ZBTB8OS: variants seen among roughly 807,000 people sequenced by gnomAD.
The protein encoded by ZBTB8OS is tRNA-splicing ligase-activating factor archease.
ZBTB8OS carries 16 observed loss-of-function variants against 29.3 expected under a neutral mutation model. The observed-to-expected ratio is 0.55, with a 90% CI of 0.37 to 0.83. ZBTB8OS has a LOEUF of 0.83. Ranked by LOEUF, ZBTB8OS falls within the 40% of genes least tolerant of loss-of-function variation. The pLI is 0.00. For synonymous variants in ZBTB8OS, 70 were observed against 64.6 expected (o/e 1.08, Z -0.40); for missense variants, 160 against 196.9 (o/e 0.81, Z 1.12).
At chr1:32,648,352 G>T (rs1206609815) in intron 1 of ZBTB8OS, among the ~76,000 whole-genome samples, 1 of 152,112 alleles carries the variant, frequency 6.6e-6, no homozygotes, top group Non-Finnish European at 1.5e-5. Flanking sequence ...CTTAGCAATG[G>T]AAACAAAAAA....
At chr1:32,646,193 C>T (rs1266396329) in intron 1 of ZBTB8OS, among the ~76,000 whole-genome samples, 1 of 151,836 alleles carries the variant, frequency 6.6e-6, no homozygotes, top group Non-Finnish European at 1.5e-5. Context: ...ATGGTGCACG[C>T]CTGTAATCCC....
rs764472258 is a variant in ZBTB8OS, at chr1:32,633,628, G to GA, written c.327+16dup. ...AAGAATCCATTTGCTCAGTAAAAAA[G>GA]AAAAACCTTTGCTTACCCGGGGTAT... On this transcript the variant is annotated intron_variant, in intron 4 of 6. Coordinates refer to ENST00000468695, the MANE Select transcript of ZBTB8OS (RefSeq NM_178547.5). 1 of 1,573,068 alleles carries GA rather than the reference G, an allele frequency of 6.4e-7. No individual in the cohort carries two copies. The highest frequency in any genetic ancestry group is 8.6e-7 in the Non-Finnish European group (1 of 1,163,204).
upstream of ZBTB8OS, chr1:32,650,819 G>C: frequency 1.9e-6 from 1 of 515,646 alleles, no homozygotes. Context: ...GACTGGCGAG[G>C]TTCTTTCCCC....
At chr1:32,641,265 GTTTTTTTTTTT>G (rs1160526101) in intron 1 of ZBTB8OS, among the ~76,000 whole-genome samples, 5 of 97,282 alleles carry the variant, frequency 5.1e-5, no homozygotes, top group African/African-American at 1.6e-4. Context: ...AATTACACAA[GTTTTTTTTTTT>G]TTTTTTTTTT....
chr1:32,649,790 G>A (rs1452279316), intron 1 of ZBTB8OS, among the ~76,000 whole-genome samples: 1 of 151,678 alleles, frequency 6.6e-6, no homozygotes, highest in African/African-American at 2.4e-5. Context: ...TCAGTCTCCC[G>A]AGTAGCTGGG....
chr1:32,630,056 G>A (rs938498989), intron 5 of ZBTB8OS, among the ~76,000 whole-genome samples: 5 of 151,760 alleles, frequency 3.3e-5, no homozygotes, highest in African/African-American at 1.2e-4. Flanking sequence ...CAGCAAGCCT[G>A]TTTCTTTACT....
intron 1 of ZBTB8OS, among the ~76,000 whole-genome samples, chr1:32,643,139 C>T (rs1331604603): frequency 1.4e-5 from 2 of 141,998 alleles, no homozygotes; most frequent in East Asian, 4.4e-4. Flanking sequence ...GGCACGATCT[C>T]CGCTCACTGC....
intron 6 of ZBTB8OS, among the ~76,000 whole-genome samples, chr1:32,626,336 C>T (rs1645132364): frequency 6.6e-6 from 1 of 152,110 alleles, no homozygotes; most frequent in African/African-American, 2.4e-5. Flanking sequence ...TAGGTTATAG[C>T]ATCTAGGTTT....
chr1:32,624,976 C>A (rs1645007287), intron 6 of ZBTB8OS, among the ~76,000 whole-genome samples: 2 of 151,676 alleles, frequency 1.3e-5, no homozygotes, highest in African/African-American at 4.9e-5. Context: ...ATAATCCCAG[C>A]ACTTTGGGAG....
At chr1:32,646,536 C>T (rs905860593) in intron 1 of ZBTB8OS, among the ~76,000 whole-genome samples, 5 of 151,198 alleles carry the variant, frequency 3.3e-5, no homozygotes, top group Admixed American at 6.6e-5. Flanking sequence ...TACAGGCGCC[C>T]GCCACCTCGC....
At chr1:32,643,438 G>A (rs1646591219) in intron 1 of ZBTB8OS, among the ~76,000 whole-genome samples, 1 of 151,842 alleles carries the variant, frequency 6.6e-6, no homozygotes, top group African/African-American at 2.4e-5. Flanking sequence ...TGTCTACCAA[G>A]GTGGAGTACA....
intron 1 of ZBTB8OS, among the ~76,000 whole-genome samples, chr1:32,646,754 T>C (rs1301758572): frequency 6.6e-6 from 1 of 151,384 alleles, no homozygotes; most frequent in Non-Finnish European, 1.5e-5. Flanking sequence ...AAAAAAGGGT[T>C]GGCCGGGAGT....
At chr1:32,641,689 G>A (rs1478115511) in intron 1 of ZBTB8OS, among the ~76,000 whole-genome samples, 10 of 149,822 alleles carry the variant, frequency 6.7e-5, no homozygotes, top group African/African-American at 2.2e-4. Flanking sequence ...CGAGGCGGGC[G>A]GATCACGAGA....
At position 32,621,796 on chromosome 1, in the gene ZBTB8OS, TG is replaced by T; in HGVS notation, c.*65del. ...AAAAGCTGTAGAATTTAATTCATAG[TG>T]TCTTCTCAAAAGGAAGAGGAAAACA... On this transcript the variant is annotated 3_prime_UTR_variant, in exon 7 of 7. Coordinates refer to ENST00000468695, the MANE Select transcript of ZBTB8OS (RefSeq NM_178547.5). The T allele has an allele frequency of 9.4e-7, 1 of 1,062,946 alleles. No individual in the cohort carries two copies. The highest frequency in any genetic ancestry group is 1.4e-6 in the Non-Finnish European group (1 of 712,166). 65.8% of individuals were successfully genotyped at this position (1,062,946 alleles called of 1,614,324 possible).
chr1:32,647,299 T>A (rs532987958), intron 1 of ZBTB8OS, among the ~76,000 whole-genome samples: 1 of 145,088 alleles, frequency 6.9e-6, no homozygotes, highest in African/African-American at 2.6e-5. Flanking sequence ...TAGCCAGGTG[T>A]GGTGGTGCAT....
At chr1:32,648,381 C>G (rs1647013976) in intron 1 of ZBTB8OS, among the ~76,000 whole-genome samples, 1 of 152,196 alleles carries the variant, frequency 6.6e-6, no homozygotes, top group Admixed American at 6.5e-5. Flanking sequence ...GAACTTGATT[C>G]TACAGATTCA....
chr1:32,627,366 A>C, intron 6 of ZBTB8OS, 142 bp downstream of exon 6: 1 of 712,836 alleles, frequency 1.4e-6, no homozygotes, highest in Non-Finnish European at 2.4e-6. Flanking sequence ...TTTTAACAAA[A>C]TATATCCAGA....
At position 32,627,407 on chromosome 1, in the gene ZBTB8OS, A is replaced by T. The variant is rs12089920; in HGVS notation, c.417+101T>A. ...CAGAGAAGCTTGAGAAAAACTTATC[A>T]CTTTACACCAGTTAGAACTAACTGA... is the stretch of plus-strand genomic sequence containing the variant. On this transcript the variant is annotated intron_variant, in intron 6 of 6. Transcript: ENST00000468695. 7.1e-3 allele frequency: 7,330 copies of T among 1,032,688 alleles called. 353 individuals are homozygous for T. The African/African-American group carries it at 0.1, about 14-fold the overall frequency. 64.0% of individuals were successfully genotyped at this position (1,032,688 alleles called of 1,614,324 possible). A position where few individuals can be genotyped will look rare whatever the true frequency, so the allele number is the denominator to read the frequency against.
chr1:32,649,538 G>A (rs1647123099), intron 1 of ZBTB8OS, among the ~76,000 whole-genome samples: 2 of 151,976 alleles, frequency 1.3e-5, no homozygotes, highest in African/African-American at 2.4e-5. Context: ...GTCACTAAGC[G>A]AATAAATGGC....
Sources: gnomAD v4.1 joint callset for allele counts (sites outside exome capture counted in the v4.1 genomes callset) on GRCh38, gnomAD v4.1.1 for gene constraint, MANE v1.5 for transcripts, NCBI Gene and HGNC (gene_info 2026-07-23, HGNC 2026-07-21) for gene names.